CERK: variants seen among roughly 807,000 people sequenced by gnomAD.
CERK encodes acylsphingosine kinase.
In CERK, 39 loss-of-function variants were observed where a neutral mutation model predicts 63.4. The ratio of observed to expected loss-of-function variants is 0.61; its 90% CI spans 0.48 to 0.80. The LOEUF (loss-of-function observed/expected upper bound fraction) is 0.80, where lower values mean the gene tolerates loss of function less well. Ranked by LOEUF, CERK falls within the 30% of genes least tolerant of loss-of-function variation. The pLI is 0.00. For missense variants in CERK, 670 were observed against 714.1 expected, an observed-to-expected ratio of 0.94 and a Z score of 0.70; for synonymous variants, 302 against 280.0, an observed-to-expected ratio of 1.08 and a Z score of -0.78.
intron 1 of CERK, among the ~76,000 whole-genome samples, chr22:46,726,205 G>T (rs1314826333): frequency 6.6e-6 from 1 of 152,246 alleles, no homozygotes; most frequent in South Asian, 2.1e-4. Context: ...GGAGGCCCCA[G>T]ATGTCTTTCG....
chr22:46,716,941 A>C (rs2082869528), intron 3 of CERK, among the ~76,000 whole-genome samples: 1 of 104,914 alleles, frequency 9.5e-6, no homozygotes, highest in Non-Finnish European at 1.9e-5. Flanking sequence ...TCCCCCCACC[A>C]AAAAAAAAAG....
intron 5 of CERK, among the ~76,000 whole-genome samples, chr22:46,709,189 C>T (rs1601718741): frequency 6.6e-6 from 1 of 152,224 alleles, no homozygotes; most frequent in Admixed American, 6.5e-5. Flanking sequence ...AGACAGACAG[C>T]TCAGCCGCAG....
At position 46,712,293 on chromosome 22, in the gene CERK, G is replaced by A. The variant is rs763276577; in HGVS notation, c.380C>T (p.Thr127Met). Reference sequence around the variant, plus strand: ...TACCAGTAAATGCTTTGGTCTGGACGCTGTAAGACAACAACATGTAAATAA... The same window carrying A: ...TACCAGTAAATGCTTTGGTCTGGACACTGTAAGACAACAACATGTAAATAA... ...QTLREMLEKLTSRPKHLLVFI... is the reference protein window; with the variant it reads ...QTLREMLEKLMSRPKHLLVFI... Residue 127 changes from threonine (T) to methionine (M), a missense_variant and splice_region_variant, in exon 4 of 13, where the codon ACG becomes ATG. Physicochemically the swap from Thr to Met is moderately conservative, Grantham distance 81 (BLOSUM62 -1). Coordinates refer to ENST00000216264, the MANE Select transcript of CERK (RefSeq NM_022766.6). 11 of 1,612,706 alleles carry A rather than the reference G, an allele frequency of 6.8e-6. No homozygotes were observed. The highest frequency in any genetic ancestry group is 8.5e-6 in the Non-Finnish European group (10 of 1,179,340).
At chr22:46,716,772 C>A (rs1229396565) in intron 3 of CERK, among the ~76,000 whole-genome samples, 1 of 151,556 alleles carries the variant, frequency 6.6e-6, no homozygotes, top group Non-Finnish European at 1.5e-5. Context: ...AACCCCCTCT[C>A]TACTAAAAAA....
Position 46,712,293 on chromosome 22 carries a change from G to T in CERK, c.380C>A (p.Thr127Lys). Reference sequence around the variant, plus strand: ...TACCAGTAAATGCTTTGGTCTGGACGCTGTAAGACAACAACATGTAAATAA... The same window carrying T: ...TACCAGTAAATGCTTTGGTCTGGACTCTGTAAGACAACAACATGTAAATAA... Reference protein sequence around the residue: ...QTLREMLEKLTSRPKHLLVFI... With the variant: ...QTLREMLEKLKSRPKHLLVFI... The change falls in exon 4 of 13, where the codon ACG becomes AAG. Residue 127 changes from threonine (T) to lysine (K), a missense_variant and splice_region_variant. Coordinates refer to ENST00000216264, the MANE Select transcript of CERK (RefSeq NM_022766.6). The T allele has an allele frequency of 6.2e-7, 1 of 1,612,824 alleles. No homozygotes were observed. The highest frequency in any genetic ancestry group is 2.2e-5 in the East Asian group (1 of 44,872).
chr22:46,700,101 T>A (rs1211681057), intron 7 of CERK, among the ~76,000 whole-genome samples: 1 of 143,996 alleles, frequency 6.9e-6, no homozygotes, highest in Non-Finnish European at 1.5e-5. Context: ...TCAAAAAAAA[T>A]AAAATAGGCC....
intron 3 of CERK, among the ~76,000 whole-genome samples, chr22:46,716,231 C>T (rs1032614447): frequency 6.6e-6 from 1 of 151,280 alleles, no homozygotes; most frequent in Non-Finnish European, 1.5e-5. Context: ...TGCTCTTTCG[C>T]CCAGGCTGGA....
Position 46,714,508 on chromosome 22 carries a change from C to G in CERK, c.380-2215G>C, listed in dbSNP as rs188768347. 2.0e-5 allele frequency among the ~76,000 whole-genome samples: 3 copies of G among 152,272 alleles called. No individual in the cohort carries two copies. The highest frequency in any genetic ancestry group is 6.5e-5 in the Admixed American group (1 of 15,288). On this transcript the variant is annotated intron_variant, in intron 3 of 12. Coordinates refer to ENST00000216264, the MANE Select transcript of CERK (RefSeq NM_022766.6). The surrounding 1 kb of genome is among the most constrained non-coding windows in gnomAD (Gnocchi z 4.4). ...TAATAAGTTCATGCTAATAAACTCACGAATTTGGATGAAATGGTTAAACTT... is the reference window on the plus strand; with the variant it reads ...TAATAAGTTCATGCTAATAAACTCAGGAATTTGGATGAAATGGTTAAACTT...
chr22:46,689,913 C>G, intron 12 of CERK, 79 bp downstream of exon 12: 2 of 1,122,202 alleles, frequency 1.8e-6, no homozygotes, highest in South Asian at 3.1e-5. Context: ...GAACCCCCCA[C>G]CCTGGGTGGG....
Position 46,701,633 on chromosome 22 carries a change from C to T in CERK, c.790+3G>A. Reference sequence around the variant, plus strand: ...CGTGCGCATGCGCAGAGGAGGGGCTCACCAACAACGATATGCAGCGCCGAG... The same window carrying T: ...CGTGCGCATGCGCAGAGGAGGGGCTTACCAACAACGATATGCAGCGCCGAG... On this transcript the variant is annotated splice_donor_region_variant and intron_variant, in intron 7 of 12. Coordinates refer to ENST00000216264, the MANE Select transcript of CERK (RefSeq NM_022766.6). 4 of 1,555,190 alleles carry T rather than the reference C, an allele frequency of 2.6e-6. No homozygotes were observed. Among genetic ancestry groups the T allele is most frequent in the Middle Eastern group, 1.7e-4 (1 of 5,826 alleles).
At chr22:46,701,845 C>T in intron 6 of CERK, 135 bp from the exon 7 acceptor site, 1 of 624,274 alleles carries the variant, frequency 1.6e-6, no homozygotes. Flanking sequence ...ATAGAATTTA[C>T]CTACAAAATG....
rs558512101 is a variant in CERK, at chr22:46,697,833, T to C, written c.943+1480A>G. Among the ~76,000 whole-genome samples the C allele has an allele frequency of 3.3e-5, 5 of 152,348 alleles. No homozygotes were observed. In the South Asian group the frequency reaches 1.0e-3, roughly 32 times the overall value. Reference sequence around the variant, plus strand: ...TCTATGTATTTTTAAAGTTCTCCTTTTCCAGCGTTTAAAAGCTGGTGACGT... The same window carrying C: ...TCTATGTATTTTTAAAGTTCTCCTTCTCCAGCGTTTAAAAGCTGGTGACGT... On this transcript the variant is annotated intron_variant, in intron 8 of 12. Transcript: ENST00000216264.
At chr22:46,710,058 T>A (rs1478765150) in intron 5 of CERK, among the ~76,000 whole-genome samples, 1 of 152,204 alleles carries the variant, frequency 6.6e-6, no homozygotes, top group African/African-American at 2.4e-5. Context: ...GACTTTCACA[T>A]GTCAAATTAG....
rs919062628 is a variant in CERK at position 46,737,897 on chromosome 22, G to C, written c.142+110C>G. 10 of 764,590 alleles carry C rather than the reference G, an allele frequency of 1.3e-5. No homozygotes were observed. In the African/African-American group the frequency reaches 1.5e-4, roughly 11 times the overall value. The allele number at this position is 764,590 out of a possible 1,614,324, so 47.4% of individuals were successfully genotyped here. On this transcript the variant is annotated intron_variant, in intron 1 of 12. Transcript: ENST00000216264. The stretch of plus-strand genomic sequence containing the variant: ...GGCGCCTGCGCTCCCAGGGCCCCCG[G>C]CCTTACCACAGCCGCTCGCTCCCTG...
At chr22:46,703,130 C>T (rs1037306039) in intron 6 of CERK, among the ~76,000 whole-genome samples, 2 of 152,130 alleles carry the variant, frequency 1.3e-5, no homozygotes, top group African/African-American at 2.4e-5. Flanking sequence ...GATGAAGGAC[C>T]GAATGAATGA....
intron 1 of CERK, among the ~76,000 whole-genome samples, chr22:46,733,675 T>C (rs1173239682): frequency 6.6e-6 from 1 of 152,168 alleles, no homozygotes. Flanking sequence ...TTTTTCTTTA[T>C]TCTTTCTGGA....
At chr22:46,705,070 G>T (rs1407978889) in intron 6 of CERK, among the ~76,000 whole-genome samples, 2 of 152,250 alleles carry the variant, frequency 1.3e-5, no homozygotes, top group Admixed American at 1.3e-4. Flanking sequence ...CCTCCAGGCT[G>T]TGCCAGGCTT....
intron 1 of CERK, 33 bp from the exon 2 acceptor site, chr22:46,721,048 T>G: frequency 7.3e-7 from 1 of 1,375,270 alleles, no homozygotes. Flanking sequence ...TGTCAAAGAA[T>G]TCGTCAGAAT....
intron 8 of CERK, among the ~76,000 whole-genome samples, chr22:46,696,285 G>A (rs1352768090): frequency 6.6e-6 from 1 of 152,180 alleles, no homozygotes; most frequent in Admixed American, 6.5e-5. Context: ...TGCCTGGAAT[G>A]CACTCAGCGG....
Sources: allele counts gnomAD v4.1 joint callset (sites outside exome capture counted in the v4.1 genomes callset), GRCh38; gene constraint gnomAD v4.1.1; non-coding constraint Gnocchi (gnomAD v3.1); transcripts MANE v1.5; gene names NCBI Gene and HGNC (gene_info 2026-07-23, HGNC 2026-07-21).